RAD51: variants seen among roughly 807,000 people sequenced by gnomAD.
RAD51 encodes RAD51 recombinase.
RAD51 carries 14 observed loss-of-function variants against 41.5 expected under a neutral mutation model. That is an observed-to-expected ratio of 0.34 (90% CI 0.22 to 0.53). The LOEUF is 0.53. Among genes scored for constraint, RAD51 ranks in the 20% least tolerant of loss-of-function variants. The pLI is 0.95. For missense variants in RAD51, 234 were observed against 422.0 expected (o/e 0.55, Z 3.90); for synonymous variants, 136 against 148.6 (o/e 0.92, Z 0.62).
intron 6 of RAD51, among the ~76,000 whole-genome samples, chr15:40,720,931 C>T (rs1896239148): frequency 6.6e-6 from 1 of 152,208 alleles, no homozygotes; most frequent in Non-Finnish European, 1.5e-5. Context: ...CCTGTAATCC[C>T]AACACTTTGG....
intron 5 of RAD51, among the ~76,000 whole-genome samples, chr15:40,716,792 T>C (rs1170882894): frequency 6.6e-6 from 1 of 150,550 alleles, no homozygotes; most frequent in African/African-American, 2.4e-5. Context: ...TCCCAAGTAG[T>C]TGGGACTACA....
At chr15:40,727,448 C>T (rs1896644293) in intron 6 of RAD51, among the ~76,000 whole-genome samples, 1 of 151,692 alleles carries the variant, frequency 6.6e-6, no homozygotes, top group South Asian at 2.1e-4. Context: ...AGCTGAGAAG[C>T]AGGGATTACA....
At chr15:40,730,520 C>CTTTTTTTTTTTTTCTTTTCTTTTTTTT (rs1555429746) in intron 9 of RAD51, among the ~76,000 whole-genome samples, 2 of 113,110 alleles carry the variant, frequency 1.8e-5, no homozygotes, top group Admixed American at 9.2e-5. Context: ...AATTTTTTTT[C>CTTTTTTTTTTTTTCTTTTCTTTTTTTT]TTTTTTTTTT....
chr15:40,725,134 C>T (rs533755600), intron 6 of RAD51, among the ~76,000 whole-genome samples: 131 of 151,690 alleles, frequency 8.6e-4, no homozygotes, highest in African/African-American at 3.1e-3. Flanking sequence ...CTCCTGACCT[C>T]ATGATCCACC....
intron 2 of RAD51, among the ~76,000 whole-genome samples, chr15:40,699,363 G>A (rs1020090074): frequency 6.6e-6 from 1 of 152,166 alleles, no homozygotes; most frequent in Non-Finnish European, 1.5e-5. Flanking sequence ...GGCTAGTCTC[G>A]AACTCCTGAC....
intron 1 of RAD51, among the ~76,000 whole-genome samples, chr15:40,698,111 G>A (rs568236383): frequency 1.3e-3 from 196 of 151,462 alleles, no homozygotes; most frequent in African/African-American, 4.6e-3. Flanking sequence ...CCTTCCTGCC[G>A]CCCCCTGCAA....
chr15:40,706,105 A>AT (rs1895319890), intron 3 of RAD51, 72 bp from the exon 4 acceptor site: 2 of 922,228 alleles, frequency 2.2e-6, no homozygotes, highest in African/African-American at 2.0e-5. Flanking sequence ...CTTTATATAT[A>AT]TTTTTTTGCC....
At chr15:40,702,624 T>C (rs963652429) in intron 3 of RAD51, among the ~76,000 whole-genome samples, 8 of 152,046 alleles carry the variant, frequency 5.3e-5, no homozygotes, top group Non-Finnish European at 7.4e-5. Flanking sequence ...TTCAAGTGAT[T>C]GTCGTGCCTC....
intron 6 of RAD51, among the ~76,000 whole-genome samples, chr15:40,728,476 T>G (rs1053728015): frequency 2.4e-4 from 37 of 151,942 alleles, no homozygotes; most frequent in East Asian, 2.1e-3. Flanking sequence ...AAGAATGGAT[T>G]TGATTTATCC....
chr15:40,696,758 T>C (rs1567035552), intron 1 of RAD51, among the ~76,000 whole-genome samples: 1 of 152,238 alleles, frequency 6.6e-6, no homozygotes, highest in African/African-American at 2.4e-5. Context: ...TTTCACATGC[T>C]TGCCAACACG....
chr15:40,714,543 A>C (rs1481534085), intron 5 of RAD51, among the ~76,000 whole-genome samples: 1 of 152,230 alleles, frequency 6.6e-6, no homozygotes, highest in Non-Finnish European at 1.5e-5. Context: ...AACTAAAGCA[A>C]AATTCTCAAG....
intron 6 of RAD51, 65 bp from the exon 7 acceptor site, chr15:40,728,646 G>A: frequency 7.4e-7 from 1 of 1,344,438 alleles, no homozygotes. Flanking sequence ...TTAAGTGTCA[G>A]AAACAAATTG....
chr15:40,705,643 C>G lies in RAD51; in HGVS notation c.226-534C>G, dbSNP rs189355579. On this transcript the variant is annotated intron_variant, in intron 3 of 9. Transcript: ENST00000267868. ...TTTTTGAGACAGAGTCTCGCTCTGT[C>G]CCCCAGGCTGGAGTACAGTGGCGCG... Among the ~76,000 whole-genome samples, 3 of 152,086 alleles carry G rather than the reference C, an allele frequency of 2.0e-5. No individual in the cohort carries two copies. The East Asian group carries it at 5.8e-4, about 29-fold the overall frequency.
Position 40,731,335 on chromosome 15 carries a change from C to A in RAD51, c.*157C>A. 1 of 901,440 alleles carries A rather than the reference C, an allele frequency of 1.1e-6. No homozygotes were observed. 55.8% of individuals were successfully genotyped at this position (901,440 alleles called of 1,614,324 possible). A position where few individuals can be genotyped will look rare whatever the true frequency, so the allele number is the denominator to read the frequency against. ...ATATCAGCTTTTCTGATGGTATAAA[C>A]AGGAGACAGGTCAGTAGTCACAAAC... is the stretch of plus-strand genomic sequence containing the variant. On this transcript the variant is annotated 3_prime_UTR_variant, in exon 10 of 10. Coordinates refer to ENST00000267868, the MANE Select transcript of RAD51 (RefSeq NM_002875.5).
chr15:40,703,712 C>CT, intron 3 of RAD51, among the ~76,000 whole-genome samples: 1 of 151,866 alleles, frequency 6.6e-6, no homozygotes, highest in Admixed American at 6.6e-5. Flanking sequence ...AGTCTTTTCT[C>CT]TTTTTTTCTC....
chr15:40,725,663 A>C (rs1596019460), intron 6 of RAD51, among the ~76,000 whole-genome samples: 2 of 152,314 alleles, frequency 1.3e-5, no homozygotes, highest in Middle Eastern at 6.8e-3. Context: ...AATCAGAAAC[A>C]ATCAGATACT....
At chr15:40,709,971 G>A (rs577453108) in intron 5 of RAD51, among the ~76,000 whole-genome samples, 32 of 152,054 alleles carry the variant, frequency 2.1e-4, no homozygotes, top group Admixed American at 5.9e-4. Flanking sequence ...GGCTGGGCGC[G>A]GTGACTCACG....
At chr15:40,729,740 A>T in intron 8 of RAD51, 106 bp downstream of exon 8, 1 of 1,609,582 alleles carries the variant, frequency 6.2e-7, no homozygotes. Flanking sequence ...TCAAGCTCTT[A>T]GGAAGAAGAG....
At chr15:40,724,968 C>T (rs185744231) in intron 6 of RAD51, among the ~76,000 whole-genome samples, 12,360 of 139,774 alleles carry the variant, frequency 0.088, 587 homozygotes, top group East Asian at 0.13. Flanking sequence ...GGCGCAATCT[C>T]GGCTCACTGC....
Sources: gnomAD v4.1 joint callset for allele counts (sites outside exome capture counted in the v4.1 genomes callset) on GRCh38, gnomAD v4.1.1 for gene constraint, MANE v1.5 for transcripts, NCBI Gene and HGNC (gene_info 2026-07-23, HGNC 2026-07-21) for gene names.